The following TMEM266 variants were observed in gnomAD, a reference collection of about 807,000 sequenced individuals.
The protein encoded by TMEM266 is transmembrane protein 266, also known as Hv1 related protein 1.
TMEM266 carries 33 observed loss-of-function variants against 50.5 expected under a neutral mutation model. That is an observed-to-expected ratio of 0.65 (90% confidence interval 0.50 to 0.87). The LOEUF (loss-of-function observed/expected upper bound fraction) is 0.87. TMEM266 is among the 40% of genes least tolerant of loss of function. The pLI is 0.00. For synonymous variants in TMEM266, 310 were observed against 292.3 expected (o/e 1.06, Z -0.62); for missense variants, 655 against 695.1 (o/e 0.94, Z 0.65).
intron 3 of TMEM266, among the ~76,000 whole-genome samples, chr15:76,142,711 G>T (rs1310167347): frequency 6.6e-6 from 1 of 152,220 alleles, no homozygotes; most frequent in African/African-American, 2.4e-5. Context: ...TTGATGTGAA[G>T]TCAGAGCCCC....
chr15:76,132,401 G>A lies in TMEM266; in HGVS notation c.-96-1767G>A, dbSNP rs145756254. ...TGGGATTATAGGCGTGAACCACCGC[G>A]CCTGGCCTACCAATCCAGTTTTTAA... On this transcript the variant is annotated intron_variant, in intron 1 of 10. Coordinates refer to ENST00000388942, the MANE Select transcript of TMEM266 (RefSeq NM_152335.3). 4.9e-4 allele frequency among the ~76,000 whole-genome samples: 75 copies of A among 152,060 alleles called. 1 individual carries two copies. The East Asian group carries it at 9.1e-3, about 19-fold the overall frequency.
At position 76,204,245 on chromosome 15, in the gene TMEM266, C is replaced by T; in HGVS notation, c.1526C>T (p.Pro509Leu). ...GTCATCCACTTCCAGCCCACTGTGCCCATGCTGGAGGACAAGTTCAGATCT... is the reference window on the plus strand; with the variant it reads ...GTCATCCACTTCCAGCCCACTGTGCTCATGCTGGAGGACAAGTTCAGATCT... Residue 509 changes from proline (P) to leucine (L), a missense_variant, in exon 11 of 11, where the codon CCC becomes CTC. Physicochemically the swap from Pro to Leu is moderately conservative, Grantham distance 98. Around this residue, in one of 3 missense-constraint regions of TMEM266, gnomAD observed 455 missense variants for 401.8 expected, o/e 1.13. Transcript: ENST00000388942. The T allele has an allele frequency of 6.2e-7, 1 of 1,613,938 alleles. No individual in the cohort carries two copies. The highest frequency in any genetic ancestry group is 8.5e-7 in the Non-Finnish European group (1 of 1,179,996).
At position 76,169,676 on chromosome 15, in the gene TMEM266, G is replaced by T. The variant is rs1336175537; in HGVS notation, c.457-140G>T. On this transcript the variant is annotated intron_variant, in intron 5 of 10. Coordinates refer to ENST00000388942, the MANE Select transcript of TMEM266 (RefSeq NM_152335.3). ...GCAGTGGGAGTGGAGAGGGCACAGG[G>T]GCCAAGGAATGCTTAGTGGATGGCG... is the stretch of plus-strand genomic sequence containing the variant. 1.9e-5 allele frequency: 18 copies of T among 952,754 alleles called. No homozygotes were observed. The East Asian group carries it at 4.4e-4, about 23-fold the overall frequency. The allele number at this position is 952,754 out of a possible 1,614,324, so 59.0% of individuals were successfully genotyped here.
chr15:76,118,515 C>T (rs1189669402), intron 1 of TMEM266, among the ~76,000 whole-genome samples: 4 of 152,294 alleles, frequency 2.6e-5, no homozygotes, highest in Admixed American at 2.6e-4. Flanking sequence ...GCTGAGATTG[C>T]ACCACTGCAC....
intron 10 of TMEM266, among the ~76,000 whole-genome samples, chr15:76,202,843 C>G (rs535855886): frequency 4.2e-4 from 64 of 152,086 alleles, no homozygotes; most frequent in African/African-American, 1.4e-3. Flanking sequence ...CCCCCAAAAC[C>G]TTGTATGCTC....
At chr15:76,159,715 T>C (rs1156412904) in intron 4 of TMEM266, among the ~76,000 whole-genome samples, 1 of 152,138 alleles carries the variant, frequency 6.6e-6, no homozygotes, top group African/African-American at 2.4e-5. Context: ...CAGCCTCAAC[T>C]GAAGCTGCCT....
intron 1 of TMEM266, among the ~76,000 whole-genome samples, chr15:76,090,022 T>A (rs2036827823): frequency 6.6e-6 from 1 of 152,062 alleles, no homozygotes; most frequent in Admixed American, 6.5e-5. Flanking sequence ...GGTAAGATAA[T>A]CAGTTAAGAT....
At chr15:76,173,174 G>A (rs1567175872) in intron 7 of TMEM266, among the ~76,000 whole-genome samples, 1 of 152,098 alleles carries the variant, frequency 6.6e-6, no homozygotes, top group Non-Finnish European at 1.5e-5. Flanking sequence ...TCAGGGACAC[G>A]TGGCCGGTCC....
At chr15:76,084,966 T>A (rs1248131852) in intron 1 of TMEM266, among the ~76,000 whole-genome samples, 1 of 150,818 alleles carries the variant, frequency 6.6e-6, no homozygotes, top group African/African-American at 2.4e-5. Context: ...TTCCTTTTTT[T>A]TTTTTTTATT....
At chr15:76,091,601 T>C (rs1265001174) in intron 1 of TMEM266, among the ~76,000 whole-genome samples, 1 of 152,032 alleles carries the variant, frequency 6.6e-6, no homozygotes, top group Non-Finnish European at 1.5e-5. Context: ...GGGATCTTGA[T>C]GATCTTTCAT....
At chr15:76,184,596 TAC>T (rs1596161998) in intron 8 of TMEM266, among the ~76,000 whole-genome samples, 1 of 152,376 alleles carries the variant, frequency 6.6e-6, no homozygotes, top group East Asian at 1.9e-4. Flanking sequence ...GGAGCAGAAT[TAC>T]TGCTATTGCA....
chr15:76,082,186 C>T (rs1337295336), intron 1 of TMEM266, among the ~76,000 whole-genome samples: 3 of 152,190 alleles, frequency 2.0e-5, no homozygotes, highest in African/African-American at 7.2e-5. Flanking sequence ...TGTCAAATTT[C>T]TTGAACACTT....
chr15:76,190,296 C>T (rs1224659763), intron 8 of TMEM266, among the ~76,000 whole-genome samples: 4 of 152,148 alleles, frequency 2.6e-5, no homozygotes, highest in African/African-American at 4.8e-5. Flanking sequence ...AGAAGGATTG[C>T]GTCTTGGGGT....
intron 1 of TMEM266, among the ~76,000 whole-genome samples, chr15:76,102,081 C>T (rs751942990): frequency 6.6e-6 from 1 of 152,174 alleles, no homozygotes; most frequent in Non-Finnish European, 1.5e-5. Flanking sequence ...TCTTCACTCA[C>T]CCATATCCAG....
At chr15:76,101,000 T>G (rs572724337) in intron 1 of TMEM266, among the ~76,000 whole-genome samples, 2 of 143,152 alleles carry the variant, frequency 1.4e-5, no homozygotes, top group African/African-American at 2.5e-5. Flanking sequence ...CTTACCTTGG[T>G]TTTTTTTTTT....
chr15:76,165,292 T>C (rs1344649262), intron 5 of TMEM266, among the ~76,000 whole-genome samples: 4 of 152,254 alleles, frequency 2.6e-5, no homozygotes, highest in Non-Finnish European at 5.9e-5. Flanking sequence ...TGAGGGCACC[T>C]GAGGCGGAAG....
At chr15:76,127,171 G>A (rs1021489594) in intron 1 of TMEM266, among the ~76,000 whole-genome samples, 17 of 151,874 alleles carry the variant, frequency 1.1e-4, no homozygotes, top group Non-Finnish European at 1.9e-4. Context: ...CCTTGATTGT[G>A]GTAATCATTT....
chr15:76,198,570 A>G (rs1174376141), intron 9 of TMEM266, among the ~76,000 whole-genome samples: 1 of 152,232 alleles, frequency 6.6e-6, no homozygotes, highest in East Asian at 1.9e-4. Flanking sequence ...TGGTGACTCC[A>G]TGGCTCCCTG....
chr15:76,116,408 C>T (rs2037247510), intron 1 of TMEM266, among the ~76,000 whole-genome samples: 1 of 152,142 alleles, frequency 6.6e-6, no homozygotes, highest in East Asian at 1.9e-4. Flanking sequence ...ATGCACCCCT[C>T]CCTCATCCTC....
Sources: allele counts gnomAD v4.1 joint callset (sites outside exome capture counted in the v4.1 genomes callset), GRCh38; gene constraint gnomAD v4.1.1; regional missense constraint gnomAD v4.1.1; transcripts MANE v1.5; gene names NCBI Gene and HGNC (gene_info 2026-07-23, HGNC 2026-07-21).